The following MYRIP variants were observed in gnomAD, a reference collection of about 807,000 sequenced individuals.
The protein encoded by MYRIP is myosin VIIA and Rab interacting protein, also known as rab effector MyRIP.
MYRIP carries 49 observed loss-of-function variants against 98.0 expected under a neutral mutation model. The ratio of observed to expected loss-of-function variants is 0.50; its 90% CI spans 0.40 to 0.63. The LOEUF is 0.63. MYRIP is among the 30% of genes least tolerant of loss of function. The pLI is 0.00. For synonymous variants in MYRIP, 404 were observed against 409.5 expected, an observed-to-expected ratio of 0.99 and a Z score of 0.16; for missense variants, 1,004 against 1,058.2, an observed-to-expected ratio of 0.95 and a Z score of 0.71.
At chr3:40,150,995 A>G in intron 3 of MYRIP, 53 bp from the exon 4 acceptor site, 3 of 1,460,084 alleles carry the variant, frequency 2.1e-6, no homozygotes, top group Non-Finnish European at 2.8e-6. Flanking sequence ...GCAGTTTTGC[A>G]ATTCACCATT....
intron 2 of MYRIP, among the ~76,000 whole-genome samples, chr3:40,015,518 A>C (rs1219851203): frequency 6.6e-6 from 1 of 152,220 alleles, no homozygotes; most frequent in Non-Finnish European, 1.5e-5. Flanking sequence ...GCAGGGTCAT[A>C]GCAGGGCAAT....
chr3:39,812,597 TATGA>T (rs1402861323), intron 1 of MYRIP, among the ~76,000 whole-genome samples: 5 of 152,198 alleles, frequency 3.3e-5, no homozygotes, highest in African/African-American at 4.8e-5. Context: ...GATATTAAAA[TATGA>T]ATGAAGAAAA....
chr3:39,990,395 C>G (rs1247343217), intron 2 of MYRIP, among the ~76,000 whole-genome samples: 1 of 152,206 alleles, frequency 6.6e-6, no homozygotes, highest in African/African-American at 2.4e-5. Context: ...CAAGGGGAGC[C>G]TCTGATTGCC....
chr3:40,176,643 C>T (rs1181225071), intron 8 of MYRIP, among the ~76,000 whole-genome samples: 3 of 152,024 alleles, frequency 2.0e-5, no homozygotes, highest in Non-Finnish European at 4.4e-5. Flanking sequence ...CCCAGGTGCT[C>T]ACGCCTGTAA....
intron 3 of MYRIP, among the ~76,000 whole-genome samples, chr3:40,102,353 G>C (rs745461518): frequency 6.6e-6 from 1 of 152,102 alleles, no homozygotes; most frequent in Non-Finnish European, 1.5e-5. Flanking sequence ...GCCTTGATGG[G>C]GCTCTGATAT....
chr3:39,919,695 TG>T (rs149812267), intron 2 of MYRIP, among the ~76,000 whole-genome samples: 58 of 69,286 alleles, frequency 8.4e-4, no homozygotes, highest in African/African-American at 4.1e-3. Flanking sequence ...GTATGTGTGG[TG>T]TGTGTGTGTG....
At chr3:39,834,751 T>A (rs1575286556) in intron 1 of MYRIP, among the ~76,000 whole-genome samples, 2 of 152,252 alleles carry the variant, frequency 1.3e-5, no homozygotes, top group South Asian at 2.1e-4. Flanking sequence ...AAATGGTAAT[T>A]GCTGTTAAAG....
chr3:39,865,551 A>G (rs1235906426), intron 1 of MYRIP, among the ~76,000 whole-genome samples: 1 of 152,180 alleles, frequency 6.6e-6, no homozygotes, highest in Non-Finnish European at 1.5e-5. Context: ...AGGCATACCC[A>G]TGGTCAACAA....
intron 1 of MYRIP, among the ~76,000 whole-genome samples, chr3:39,881,388 G>C (rs1414587327): frequency 6.6e-6 from 1 of 152,146 alleles, no homozygotes; most frequent in Admixed American, 6.6e-5. Context: ...AATAAAGCAA[G>C]CTGTTTCCTT....
Position 40,233,944 on chromosome 3 carries a change from C to T in MYRIP, c.1991C>T (p.Thr664Ile), listed in dbSNP as rs762511633. Residue 664 changes from threonine (T) to isoleucine (I), a missense_variant, in exon 12 of 17, where the codon ACA becomes ATA. By Grantham distance (89) the Thr-to-Ile change is moderately conservative. Around this residue, in one of 3 missense-constraint regions of MYRIP, gnomAD observed 880 missense variants for 907.7 expected, o/e 0.97. Coordinates refer to ENST00000302541, the MANE Select transcript of MYRIP (RefSeq NM_015460.4). ...NATEELIAGS[T>I]GPWESPQVPP... ...ACAGAGGAGTTGATAGCAGGATCTA[C>T]AGGGCCCTGGGAGTCCCCACAAGTC... is the stretch of plus-strand genomic sequence containing the variant. 1.2e-6 allele frequency: 2 copies of T among 1,613,954 alleles called. No homozygotes were observed. The highest frequency in any genetic ancestry group is 1.7e-5 in the Admixed American group (1 of 59,990).
intron 1 of MYRIP, among the ~76,000 whole-genome samples, chr3:39,853,599 G>C (rs1286150989): frequency 6.6e-6 from 1 of 152,012 alleles, no homozygotes; most frequent in Non-Finnish European, 1.5e-5. Flanking sequence ...TTTTTGATGG[G>C]ATTATTTGTT....
At chr3:40,203,566 T>C (rs888037535) in intron 10 of MYRIP, among the ~76,000 whole-genome samples, 2 of 149,322 alleles carry the variant, frequency 1.3e-5, no homozygotes, top group Non-Finnish European at 1.5e-5. Flanking sequence ...TAAGAAACTA[T>C]ATTGGCTTAT....
In MYRIP at chr3:39,980,188, G is replaced by A. The variant is rs546569283; in HGVS notation, c.111-63862G>A. The stretch of plus-strand genomic sequence containing the variant: ...GGGAAGAGGAGTGTCCGAATCTGAG[G>A]CAGGGGAAGGGTGTGGTCTCAGATG... On this transcript the variant is annotated intron_variant, in intron 2 of 16. Transcript: ENST00000302541. Among the ~76,000 whole-genome samples, 3 of 152,270 alleles carry A rather than the reference G, an allele frequency of 2.0e-5. No homozygotes were observed. In the South Asian group the frequency reaches 6.2e-4, roughly 32 times the overall value.
chr3:40,124,730 G>A (rs1390962330), intron 3 of MYRIP, among the ~76,000 whole-genome samples: 2 of 152,216 alleles, frequency 1.3e-5, no homozygotes, highest in Admixed American at 6.5e-5. Flanking sequence ...TCCAGAGAGG[G>A]TGAGTGCCCT....
chr3:39,975,623 G>A (rs993144376), intron 2 of MYRIP, among the ~76,000 whole-genome samples: 7 of 151,964 alleles, frequency 4.6e-5, no homozygotes, highest in East Asian at 3.9e-4. Context: ...AAAGCTGGAG[G>A]CATCACGCTA....
At chr3:40,192,321 T>C (rs1031099295) in intron 10 of MYRIP, among the ~76,000 whole-genome samples, 2 of 24,050 alleles carry the variant, frequency 8.3e-5, no homozygotes, top group Admixed American at 5.7e-4. Context: ...TATATATATA[T>C]ATATGTCATA....
At chr3:39,874,335 C>T (rs1024951678) in intron 1 of MYRIP, among the ~76,000 whole-genome samples, 1 of 151,594 alleles carries the variant, frequency 6.6e-6, no homozygotes, top group Non-Finnish European at 1.5e-5. Flanking sequence ...CCTTTATTTC[C>T]TTCTCCTGCC....
intron 2 of MYRIP, among the ~76,000 whole-genome samples, chr3:39,972,190 A>C (rs770752384): frequency 6.6e-6 from 1 of 152,076 alleles, no homozygotes; most frequent in Non-Finnish European, 1.5e-5. Flanking sequence ...ACATTCTGGA[A>C]TAAATACAGA....
intron 3 of MYRIP, among the ~76,000 whole-genome samples, chr3:40,114,810 C>G (rs1376652001): frequency 6.6e-6 from 1 of 152,218 alleles, no homozygotes; most frequent in Admixed American, 6.5e-5. Flanking sequence ...CAGCTCCCTG[C>G]TTGGGAAGAC....
Sources: allele counts gnomAD v4.1 joint callset (sites outside exome capture counted in the v4.1 genomes callset), GRCh38; gene constraint gnomAD v4.1.1; regional missense constraint gnomAD v4.1.1; transcripts MANE v1.5; gene names NCBI Gene and HGNC (gene_info 2026-07-23, HGNC 2026-07-21).